ATG4C: variants seen among roughly 807,000 people sequenced by gnomAD.
ATG4C encodes autophagy related 4C cysteine peptidase.
Under a neutral mutation model 57.6 loss-of-function variants are expected in ATG4C, and 56 were observed. The ratio of observed to expected loss-of-function variants is 0.97; its 90% CI spans 0.78 to 1.21. The LOEUF (loss-of-function observed/expected upper bound fraction) is 1.21, where lower values mean the gene tolerates loss of function less well. Ranked by LOEUF, ATG4C falls within the 50% of genes most tolerant of loss-of-function variation. The pLI is 0.00. For synonymous variants in ATG4C, 157 were observed against 174.1 expected (o/e 0.90, Z 0.78); for missense variants, 595 against 529.8 (o/e 1.12, Z -1.21).
intron 6 of ATG4C, among the ~76,000 whole-genome samples, chr1:62,822,344 A>G (rs1665508715): frequency 6.6e-6 from 1 of 152,172 alleles, no homozygotes; most frequent in East Asian, 1.9e-4. Flanking sequence ...AAAGGTCTAA[A>G]TTTTCAGATA....
At chr1:62,863,844 G>T in intron 10 of ATG4C, 148 bp from the exon 11 acceptor site, 1 of 506,874 alleles carries the variant, frequency 2.0e-6, no homozygotes, top group African/African-American at 2.0e-5. Flanking sequence ...TTGTCTTTTA[G>T]CCAGAACAGG....
At chr1:62,836,776 T>C (rs1353652407) in intron 9 of ATG4C, among the ~76,000 whole-genome samples, 5 of 152,088 alleles carry the variant, frequency 3.3e-5, no homozygotes. Flanking sequence ...TTTTTTTGGT[T>C]AATAGATGGA....
intron 1 of ATG4C, among the ~76,000 whole-genome samples, chr1:62,803,019 C>G (rs1397842795): frequency 6.6e-6 from 1 of 152,152 alleles, no homozygotes; most frequent in Non-Finnish European, 1.5e-5. Context: ...TAAGCACAAG[C>G]ATTTTCAGTT....
intron 10 of ATG4C, among the ~76,000 whole-genome samples, chr1:62,844,411 C>A (rs1367730715): frequency 1.3e-5 from 2 of 152,034 alleles, no homozygotes; most frequent in Non-Finnish European, 2.9e-5. Flanking sequence ...GAAAAATATT[C>A]ATTAATCATG....
intron 4 of ATG4C, among the ~76,000 whole-genome samples, chr1:62,817,877 G>A (rs1321182139): frequency 2.0e-5 from 3 of 152,008 alleles, no homozygotes; most frequent in Non-Finnish European, 2.9e-5. Context: ...TACAATGCAT[G>A]GCATATATTT....
At chr1:62,790,301 A>T (rs1402278726) in intron 1 of ATG4C, among the ~76,000 whole-genome samples, 1 of 152,126 alleles carries the variant, frequency 6.6e-6, no homozygotes, top group Admixed American at 6.5e-5. Context: ...CTTCCTTCCA[A>T]TTCCTGTTTA....
At chr1:62,863,827 T>G (rs1666923459) in intron 10 of ATG4C, among the ~76,000 whole-genome samples, 165 bp from the exon 11 acceptor site, 1 of 152,066 alleles carries the variant, frequency 6.6e-6, no homozygotes, top group African/African-American at 2.4e-5. Context: ...ACAATGCTAA[T>G]CATTTTTTGT....
At chr1:62,811,460 C>T (rs1665081241) in intron 3 of ATG4C, among the ~76,000 whole-genome samples, 2 of 152,084 alleles carry the variant, frequency 1.3e-5, no homozygotes, top group South Asian at 2.1e-4. Flanking sequence ...AATGGCCCTC[C>T]TAGTAGTATC....
chr1:62,854,919 A>T (rs1461665993), intron 10 of ATG4C, among the ~76,000 whole-genome samples: 1 of 152,192 alleles, frequency 6.6e-6, no homozygotes, highest in Non-Finnish European at 1.5e-5. Context: ...TGAGGACCCT[A>T]CGGTTTCCTA....
intron 1 of ATG4C, among the ~76,000 whole-genome samples, chr1:62,800,881 T>C (rs894552958): frequency 6.6e-6 from 1 of 152,128 alleles, no homozygotes; most frequent in Non-Finnish European, 1.5e-5. Flanking sequence ...ATACCTATCT[T>C]AGTTTAAAGT....
At chr1:62,856,290 C>G (rs945131113) in intron 10 of ATG4C, among the ~76,000 whole-genome samples, 1 of 152,144 alleles carries the variant, frequency 6.6e-6, no homozygotes, top group Non-Finnish European at 1.5e-5. Context: ...CTTCCAGGAT[C>G]TAATGATAGA....
chr1:62,855,465 G>C (rs1414606005), intron 10 of ATG4C, among the ~76,000 whole-genome samples: 1 of 152,014 alleles, frequency 6.6e-6, no homozygotes, highest in Non-Finnish European at 1.5e-5. Flanking sequence ...AGTAGCGCTG[G>C]TGTTTGAGGA....
intron 5 of ATG4C, among the ~76,000 whole-genome samples, chr1:62,820,141 A>G (rs1351915453): frequency 6.6e-6 from 1 of 152,068 alleles, no homozygotes; most frequent in Non-Finnish European, 1.5e-5. Context: ...AATGTTATTA[A>G]TTTGATTGTT....
intron 3 of ATG4C, among the ~76,000 whole-genome samples, chr1:62,815,354 A>G (rs1342224474): frequency 6.6e-6 from 1 of 152,134 alleles, no homozygotes; most frequent in African/African-American, 2.4e-5. Flanking sequence ...TTCAAGTGAT[A>G]TACCAAGAGC....
intron 10 of ATG4C, among the ~76,000 whole-genome samples, chr1:62,852,982 C>T (rs1666564349): frequency 6.6e-6 from 1 of 152,006 alleles, no homozygotes; most frequent in Non-Finnish European, 1.5e-5. Flanking sequence ...TTAGTTTATT[C>T]CTTTCTCTTG....
At chr1:62,805,298 A>G in intron 3 of ATG4C, 43 bp downstream of exon 3, 1 of 1,466,726 alleles carries the variant, frequency 6.8e-7, no homozygotes, top group East Asian at 2.7e-5. Context: ...TTTTGTAGAA[A>G]TCATCATGTA....
Position 62,808,436 on chromosome 1 carries a change from A to AT in ATG4C, c.160+3193dup, listed in dbSNP as rs879825716. ...GTGGAAGTGAAGGATAGACATATTG[A>AT]TTTTTTTTTTTTCCAGCAAGGTGGG... is the stretch of plus-strand genomic sequence containing the variant. On this transcript the variant is annotated intron_variant, in intron 3 of 10. Coordinates refer to ENST00000317868, the MANE Select transcript of ATG4C (RefSeq NM_032852.4). Among the ~76,000 whole-genome samples, 538 of 147,380 alleles carry AT rather than the reference A, an allele frequency of 3.7e-3. 1 individual carries two copies. The highest frequency in any genetic ancestry group is 4.4e-3 in the Non-Finnish European group (295 of 66,408).
intron 1 of ATG4C, among the ~76,000 whole-genome samples, chr1:62,793,178 G>T (rs925780334): frequency 1.3e-5 from 2 of 151,634 alleles, no homozygotes; most frequent in African/African-American, 4.8e-5. Flanking sequence ...GAGCCACCGC[G>T]CCCGGCCATG....
intron 9 of ATG4C, among the ~76,000 whole-genome samples, chr1:62,835,110 A>G (rs1286694771): frequency 6.6e-6 from 1 of 151,736 alleles, no homozygotes; most frequent in Non-Finnish European, 1.5e-5. Flanking sequence ...ACTAAAATAA[A>G]TGATCAAGTC....
Sources: allele counts gnomAD v4.1 joint callset (sites outside exome capture counted in the v4.1 genomes callset), GRCh38; gene constraint gnomAD v4.1.1; transcripts MANE v1.5; gene names NCBI Gene and HGNC (gene_info 2026-07-23, HGNC 2026-07-21).